The following TOP1 variants were observed in gnomAD, a reference collection of about 807,000 sequenced individuals.
The protein encoded by TOP1 is DNA topoisomerase 1.
A neutral mutation model predicts 111.1 loss-of-function variants in TOP1; 10 were observed. That is an observed-to-expected ratio of 0.09 (90% CI 0.06 to 0.15). TOP1 has a LOEUF of 0.15. Among genes scored for constraint, TOP1 ranks in the 10% least tolerant of loss-of-function variants. TOP1 has a pLI of 1.00. For synonymous variants in TOP1, 271 were observed against 302.9 expected (o/e 0.89, Z 1.10); for missense variants, 474 against 926.7 (o/e 0.51, Z 6.34).
chr20:41,084,224 CAG>C (rs531858956), intron 7 of TOP1, among the ~76,000 whole-genome samples: 18 of 152,024 alleles, frequency 1.2e-4, no homozygotes, highest in African/African-American at 3.1e-4. Context: ...TCTTCCCCTG[CAG>C]AGTGTTTTTT....
intron 2 of TOP1, among the ~76,000 whole-genome samples, chr20:41,039,305 A>G (rs1204868430): frequency 6.6e-6 from 1 of 152,180 alleles, no homozygotes; most frequent in Non-Finnish European, 1.5e-5. Flanking sequence ...GCTGTCATAC[A>G]ACATGAATGG....
intron 13 of TOP1, among the ~76,000 whole-genome samples, chr20:41,107,193 C>G (rs1366153366): frequency 6.6e-6 from 1 of 152,154 alleles, no homozygotes; most frequent in Non-Finnish European, 1.5e-5. Context: ...TTTCACTATG[C>G]TGTATCCAGG....
At chr20:41,096,303 A>G (rs1280689099) in intron 9 of TOP1, among the ~76,000 whole-genome samples, 1 of 152,180 alleles carries the variant, frequency 6.6e-6, no homozygotes, top group African/African-American at 2.4e-5. Flanking sequence ...CCTGACCTCA[A>G]GTGATCTGCC....
intron 2 of TOP1, among the ~76,000 whole-genome samples, chr20:41,057,711 G>A (rs879699437): frequency 7.2e-5 from 11 of 152,004 alleles, no homozygotes; most frequent in Non-Finnish European, 1.2e-4. Context: ...GTATTTATGC[G>A]TTTGTTGAAT....
chr20:41,103,067 G>A (rs781130359), intron 13 of TOP1, among the ~76,000 whole-genome samples: 2 of 152,122 alleles, frequency 1.3e-5, no homozygotes, highest in African/African-American at 2.4e-5. Context: ...ATTATCAAGT[G>A]GTGACAGTTG....
chr20:41,104,138 G>A (rs975864049), intron 13 of TOP1, among the ~76,000 whole-genome samples: 3 of 152,160 alleles, frequency 2.0e-5, no homozygotes, highest in Admixed American at 2.0e-4. Context: ...AGGAGCATAC[G>A]CTCTAAGAAG....
intron 3 of TOP1, among the ~76,000 whole-genome samples, chr20:41,065,979 A>G (rs979289766): frequency 6.6e-6 from 1 of 152,200 alleles, no homozygotes; most frequent in African/African-American, 2.4e-5. Flanking sequence ...AAAAAATTAG[A>G]TAACCTTTGA....
intron 2 of TOP1, among the ~76,000 whole-genome samples, chr20:41,059,785 G>C (rs1366404067): frequency 6.6e-6 from 1 of 152,134 alleles, no homozygotes; most frequent in Non-Finnish European, 1.5e-5. Flanking sequence ...AATATTCACA[G>C]TTCGTATAGC....
intron 2 of TOP1, among the ~76,000 whole-genome samples, chr20:41,031,970 TGTG>T (rs2033125714): frequency 6.6e-6 from 1 of 152,210 alleles, no homozygotes; most frequent in Admixed American, 6.5e-5. Context: ...GTCTGGAAGA[TGTG>T]GTGTTGGTAA....
chr20:41,048,592 C>T (rs1305954016), intron 2 of TOP1, among the ~76,000 whole-genome samples: 1 of 152,160 alleles, frequency 6.6e-6, no homozygotes, highest in Non-Finnish European at 1.5e-5. Flanking sequence ...TTGCTCTAAG[C>T]GTGTCTTCTT....
intron 11 of TOP1, among the ~76,000 whole-genome samples, chr20:41,099,495 A>G (rs1396936702): frequency 2.6e-5 from 4 of 152,220 alleles, no homozygotes; most frequent in Admixed American, 2.0e-4. Context: ...CAATAAGTAT[A>G]TAAAACGCAG....
In TOP1 at chr20:41,057,710, C is replaced by T. The variant is rs993297494; in HGVS notation, c.59-3684C>T. Among the ~76,000 whole-genome samples, 6 of 152,092 alleles carry T rather than the reference C, an allele frequency of 3.9e-5. No individual in the cohort carries two copies. The South Asian group carries it at 1.0e-3, about 26-fold the overall frequency. On this transcript the variant is annotated intron_variant, in intron 2 of 20. Transcript: ENST00000361337. ...CCAGTCTTCTTCATATGTATTTATG[C>T]GTTTGTTGAATTATACACAGAGTAG...
At chr20:41,090,373 G>C (rs1387738432) in intron 8 of TOP1, among the ~76,000 whole-genome samples, 1 of 152,086 alleles carries the variant, frequency 6.6e-6, no homozygotes, top group Non-Finnish European at 1.5e-5. Flanking sequence ...TGTAGGAGCT[G>C]TTTATATATT....
At chr20:41,041,545 C>A (rs914307270) in intron 2 of TOP1, among the ~76,000 whole-genome samples, 1 of 152,098 alleles carries the variant, frequency 6.6e-6, no homozygotes, top group Non-Finnish European at 1.5e-5. Flanking sequence ...CTTTCTCCCC[C>A]CAGCTGGTTG....
intron 2 of TOP1, among the ~76,000 whole-genome samples, chr20:41,045,773 A>G (rs1422359955): frequency 1.3e-5 from 2 of 152,222 alleles, no homozygotes; most frequent in Non-Finnish European, 2.9e-5. Flanking sequence ...AGAATCAAAG[A>G]TTGTAGACTA....
At position 41,077,588 on chromosome 20, in the gene TOP1, G is replaced by A. The variant is rs757843101; in HGVS notation, c.286G>A (p.Ala96Thr). The change falls in exon 5 of 21, where the codon GCC (alanine) becomes ACC (threonine). Residue 96 changes from alanine to threonine, a missense_variant. Physicochemically the swap from Ala to Thr is moderately conservative, Grantham distance 58. This residue lies in a region of TOP1 where 185 missense variants were observed against 226.3 expected (regional missense o/e 0.82). Transcript: ENST00000361337. The stretch of plus-strand genomic sequence containing the variant: ...CTGTTGTTTTACTTTTCAGGTTCGA[G>A]CCTCTGGGGATGCAAAAATAAAGAA... Reference protein sequence around the residue: ...KEKRKEEKVRASGDAKIKKEK... With the variant: ...KEKRKEEKVRTSGDAKIKKEK... The A allele has an allele frequency of 2.5e-6, 4 of 1,614,034 alleles. No homozygotes were observed. Among genetic ancestry groups the A allele is most frequent in the Non-Finnish European group, 2.5e-6 (3 of 1,179,900 alleles).
intron 2 of TOP1, among the ~76,000 whole-genome samples, chr20:41,033,994 A>AG (rs966200699): frequency 6.6e-6 from 1 of 151,962 alleles, no homozygotes; most frequent in African/African-American, 2.4e-5. Flanking sequence ...AAAAAAAAAA[A>AG]CCCTATTGAA....
At chr20:41,063,423 TA>T (rs1337790304) in intron 3 of TOP1, among the ~76,000 whole-genome samples, 9 of 152,338 alleles carry the variant, frequency 5.9e-5, no homozygotes, top group African/African-American at 1.9e-4. Flanking sequence ...GTCTTTTTAG[TA>T]AAATGATTTG....
rs2033801267 is a variant in TOP1 at position 41,082,602 on chromosome 20, G to A, written c.507+1362G>A. The stretch of plus-strand genomic sequence containing the variant: ...AAGGTCTTTAATGAAATCATATGAA[G>A]ACCATTAGTGAGTGAGTTGAGCCAT... On this transcript the variant is annotated intron_variant, in intron 7 of 20. Transcript: ENST00000361337. This position sits in a 1 kb window ranked among gnomAD's most constrained non-coding sequence, Gnocchi z 4.1. 6.6e-6 allele frequency among the ~76,000 whole-genome samples: 1 copy of A among 152,208 alleles called. No individual in the cohort carries two copies. The highest frequency in any genetic ancestry group is 2.4e-5 in the African/African-American group (1 of 41,450).
Sources: allele counts gnomAD v4.1 joint callset (sites outside exome capture counted in the v4.1 genomes callset), GRCh38; gene constraint gnomAD v4.1.1; regional missense constraint gnomAD v4.1.1; non-coding constraint Gnocchi (gnomAD v3.1); transcripts MANE v1.5; gene names NCBI Gene and HGNC (gene_info 2026-07-23, HGNC 2026-07-21).